Variants in TSHR observed in about 807,000 individuals in gnomAD.
The protein encoded by TSHR is thyrotropin receptor.
In TSHR, 51 loss-of-function variants were observed where a neutral mutation model predicts 64.1. The ratio of observed to expected loss-of-function variants is 0.80; its 90% CI spans 0.64 to 1.01. The LOEUF (loss-of-function observed/expected upper bound fraction) is 1.01. TSHR is among the 50% of genes least tolerant of loss of function. TSHR has a pLI of 0.00. For missense variants in TSHR, 877 were observed against 942.8 expected, an observed-to-expected ratio of 0.93 and a Z score of 0.91; for synonymous variants, 361 against 361.9, an observed-to-expected ratio of 1.00 and a Z score of 0.03.
intron 8 of TSHR, among the ~76,000 whole-genome samples, chr14:81,109,213 T>C (rs1172637080): frequency 6.6e-6 from 1 of 152,044 alleles, no homozygotes; most frequent in South Asian, 2.1e-4. Flanking sequence ...ATCGAGACCA[T>C]CCTGGCTAAC....
chr14:80,964,977 T>C (rs774450019), intron 1 of TSHR, among the ~76,000 whole-genome samples: 1 of 152,106 alleles, frequency 6.6e-6, no homozygotes, highest in Non-Finnish European at 1.5e-5. Flanking sequence ...GGAATGAACG[T>C]AGAAATGAAA....
rs1053559766 is a variant in TSHR, at chr14:81,102,655, T to C, written c.615-5720T>C. 7.2e-5 allele frequency: 28 copies of C among 386,872 alleles called. 1 individual carries two copies. The highest frequency in any genetic ancestry group is 9.9e-5 in the Non-Finnish European group (28 of 283,180). The allele number at this position is 386,872 out of a possible 1,614,324, so 24.0% of individuals were successfully genotyped here. On this transcript the variant is annotated intron_variant, in intron 7 of 9. Transcript: ENST00000298171. ...TGCCTTTGTAGTGTGAAAGCAGCCA[T>C]AGACAATATATAAACAAATGAGCAT...
At chr14:81,109,236 T>C (rs546155308) in intron 8 of TSHR, among the ~76,000 whole-genome samples, 26 of 152,166 alleles carry the variant, frequency 1.7e-4, no homozygotes, top group African/African-American at 3.6e-4. Flanking sequence ...GGTGAAACCC[T>C]GTCTCCACTA....
intron 9 of TSHR, among the ~76,000 whole-genome samples, chr14:81,140,576 C>T (rs759200617): frequency 6.6e-6 from 1 of 152,140 alleles, no homozygotes; most frequent in Non-Finnish European, 1.5e-5. Flanking sequence ...TATGAGCCTG[C>T]GAAGGAGGAA....
chr14:81,033,719 A>G (rs1044461902), intron 1 of TSHR, among the ~76,000 whole-genome samples: 1 of 152,160 alleles, frequency 6.6e-6, no homozygotes, highest in African/African-American at 2.4e-5. Flanking sequence ...AGCTACAAAT[A>G]AGAAATCAAA....
intron 3 of TSHR, among the ~76,000 whole-genome samples, chr14:81,081,767 A>G (rs1358688003): frequency 6.6e-6 from 1 of 152,216 alleles, no homozygotes; most frequent in Non-Finnish European, 1.5e-5. Flanking sequence ...GGCAATATAT[A>G]CACATCTTAT....
chr14:81,013,315 G>A (rs899349510), intron 1 of TSHR: 2 of 152,226 alleles, frequency 1.3e-5, no homozygotes, highest in South Asian at 4.2e-4. Flanking sequence ...CTGTTTTGGT[G>A]CCAGTACCAT....
At chr14:80,961,734 C>G (rs966407260) in intron 1 of TSHR, among the ~76,000 whole-genome samples, 2 of 151,984 alleles carry the variant, frequency 1.3e-5, no homozygotes, top group African/African-American at 4.8e-5. Flanking sequence ...AAATGTAAAA[C>G]CTAGTTCTTT....
rs928125464 is a variant in TSHR, at chr14:80,966,434, A to G, written c.170+10584A>G. Among the ~76,000 whole-genome samples, 12 of 152,310 alleles carry G rather than the reference A, an allele frequency of 7.9e-5. No individual in the cohort carries two copies. The East Asian group carries it at 2.3e-3, about 29-fold the overall frequency. ...GAAATACTACCTCTAGATAGGTGGC[A>G]TTTTATTGTAAAATGTTCTTCCTTC... On this transcript the variant is annotated intron_variant, in intron 1 of 9. Transcript: ENST00000298171.
chr14:81,097,935 A>T (rs1290039694), intron 7 of TSHR, among the ~76,000 whole-genome samples: 2 of 152,052 alleles, frequency 1.3e-5, no homozygotes, highest in African/African-American at 4.8e-5. Context: ...AATTATAGGC[A>T]AAGTCTAAAA....
chr14:80,964,588 A>G (rs1328071523), intron 1 of TSHR, among the ~76,000 whole-genome samples: 2 of 152,168 alleles, frequency 1.3e-5, no homozygotes, highest in Non-Finnish European at 1.5e-5. Context: ...GGCCTCCAGG[A>G]GTTCATGGTT....
chr14:81,116,768 C>A (rs907922764), intron 8 of TSHR, among the ~76,000 whole-genome samples: 44 of 150,572 alleles, frequency 2.9e-4, no homozygotes, highest in African/African-American at 1.1e-3. Context: ...CCAAAATTGA[C>A]CACATACTTG....
intron 1 of TSHR, among the ~76,000 whole-genome samples, chr14:81,022,060 A>G (rs1468034325): frequency 1.3e-5 from 2 of 150,724 alleles, no homozygotes; most frequent in Admixed American, 6.6e-5. Flanking sequence ...CAGGAGATCA[A>G]AACCATCCTG....
intron 4 of TSHR, 35 bp downstream of exon 4, chr14:81,088,063 G>C (rs754727961): frequency 1.3e-5 from 20 of 1,505,938 alleles, no homozygotes; most frequent in South Asian, 1.0e-4. Context: ...CTACTTTTCT[G>C]GGGGGAGGGG....
intron 3 of TSHR, among the ~76,000 whole-genome samples, chr14:81,076,289 C>T (rs1298641751): frequency 6.6e-6 from 1 of 152,152 alleles, no homozygotes; most frequent in Non-Finnish European, 1.5e-5. Context: ...TTGCTGGCTG[C>T]TTCCCCTTCC....
intron 1 of TSHR, among the ~76,000 whole-genome samples, chr14:81,002,781 C>CTTTTTTTTTTTTTTTTTTTTTTTTTCTT (rs1889391284): frequency 2.3e-5 from 1 of 44,324 alleles, no homozygotes; most frequent in African/African-American, 9.8e-5. Context: ...CCTAATGCCT[C>CTTTTTTTTTTTTTTTTTTTTTTTTTCTT]TTTTTTTTTT....
intron 3 of TSHR, 89 bp from the exon 4 acceptor site, chr14:81,087,865 G>T (rs776856172): frequency 1.7e-5 from 18 of 1,081,912 alleles, no homozygotes; most frequent in South Asian, 2.5e-5. Context: ...TCTCATGAAC[G>T]TTTGTTAAAA....
At chr14:81,077,802 G>A (rs1425659326) in intron 3 of TSHR, among the ~76,000 whole-genome samples, 1 of 151,750 alleles carries the variant, frequency 6.6e-6, no homozygotes, top group African/African-American at 2.4e-5. Context: ...AGTTGTTTTT[G>A]CTTTTGTTTA....
intron 9 of TSHR, 85 bp downstream of exon 9, chr14:81,139,952 G>A (rs1293125804): frequency 2.0e-6 from 3 of 1,535,072 alleles, no homozygotes; most frequent in African/African-American, 2.7e-5. Context: ...GATGCTTCCT[G>A]GTTTGAAAAC....
Sources: gnomAD v4.1 joint callset for allele counts (sites outside exome capture counted in the v4.1 genomes callset) on GRCh38, gnomAD v4.1.1 for gene constraint, MANE v1.5 for transcripts, NCBI Gene and HGNC (gene_info 2026-07-23, HGNC 2026-07-21) for gene names.